Variants in TRAK1 observed in about 807,000 individuals in gnomAD.
The protein encoded by TRAK1 is trafficking kinesin protein 1.
In TRAK1, 33 loss-of-function variants were observed where a neutral mutation model predicts 92.1. The ratio of observed to expected loss-of-function variants is 0.36; its 90% CI spans 0.27 to 0.48. The LOEUF is 0.48. TRAK1 is among the 20% of genes least tolerant of loss of function. The probability of loss-of-function intolerance (pLI) is 0.99; values close to 1 mark genes in which losing one functional copy is unlikely to be tolerated. For synonymous variants in TRAK1, 521 were observed against 517.3 expected (o/e 1.01, Z -0.10); for missense variants, 1,123 against 1,257.9 (o/e 0.89, Z 1.62).
intron 13 of TRAK1, among the ~76,000 whole-genome samples, chr3:42,206,781 T>C (rs12637042): frequency 0.31 from 47,686 of 152,090 alleles, 7,868 homozygotes; most frequent in East Asian, 0.49. Context: ...GGCTGTGGAG[T>C]GTCAGAGAAT....
chr3:42,087,727 T>C (rs948627474), upstream of TRAK1, among the ~76,000 whole-genome samples: 4 of 152,230 alleles, frequency 2.6e-5, no homozygotes, highest in African/African-American at 9.6e-5. Context: ...CTCAGTGTAT[T>C]GAACCCTTCC....
chr3:42,223,196 A>G lies in TRAK1; in HGVS notation c.2321A>G (p.Lys774Arg), dbSNP rs778706238. The G allele has an allele frequency of 3.1e-6, 5 of 1,614,202 alleles. No individual in the cohort carries two copies. In the South Asian group the frequency reaches 5.5e-5, roughly 18 times the overall value. ...RGSLLHSYTP[K>R]MAVIPSTPPN... ...TCCCTCCTGCACTCCTACACGCCCA[A>G]GATGGCTGTGATCCCCTCTACTCCG... The change falls in exon 16 of 16, where the codon AAG becomes AGG. Residue 774 changes from lysine (K) to arginine (R), a missense_variant. Lys to Arg is a conservative substitution (Grantham distance 26). Around this residue, in one of 3 missense-constraint regions of TRAK1, gnomAD observed 401 missense variants for 438.9 expected, o/e 0.91. Transcript: ENST00000327628. The surrounding 1 kb of genome is among the most constrained non-coding windows in gnomAD (Gnocchi z 6.1).
intron 2 of TRAK1, among the ~76,000 whole-genome samples, chr3:42,171,996 C>T (rs1389276452): frequency 6.6e-6 from 1 of 152,214 alleles, no homozygotes; most frequent in East Asian, 1.9e-4. Context: ...TTAGCTGTGA[C>T]AGCCCAGTCA....
At chr3:42,047,122 A>G (rs1702780552) in intron 1 of TRAK1, among the ~76,000 whole-genome samples, 1 of 151,948 alleles carries the variant, frequency 6.6e-6, no homozygotes, top group Non-Finnish European at 1.5e-5. Flanking sequence ...CTAAAAATGC[A>G]TAGTTATTGT....
chr3:42,028,312 C>G (rs1285706243), intron 1 of TRAK1, among the ~76,000 whole-genome samples: 1 of 152,146 alleles, frequency 6.6e-6, no homozygotes, highest in African/African-American at 2.4e-5. Flanking sequence ...AGGTAAGAAT[C>G]ACCTTTGATT....
intron 2 of TRAK1, among the ~76,000 whole-genome samples, chr3:42,168,228 TAGTG>T (rs1267920260): frequency 6.6e-6 from 1 of 152,220 alleles, no homozygotes; most frequent in African/African-American, 2.4e-5. Context: ...GCTAGTTTCT[TAGTG>T]GGTGATTTGC....
chr3:42,024,050 C>T (rs984057262), intron 1 of TRAK1, among the ~76,000 whole-genome samples: 4 of 151,996 alleles, frequency 2.6e-5, no homozygotes, highest in East Asian at 1.9e-4. Flanking sequence ...CCACCGTGAC[C>T]GGCTACTCCT....
At chr3:42,195,570 A>G (rs1706489159) in intron 10 of TRAK1, among the ~76,000 whole-genome samples, 1 of 148,488 alleles carries the variant, frequency 6.7e-6, no homozygotes. Context: ...TTCAGCCCCC[A>G]TTGCTGACCC....
chr3:42,193,922 T>G, intron 9 of TRAK1, 24 bp downstream of exon 9: 2 of 1,609,304 alleles, frequency 1.2e-6, no homozygotes, highest in African/African-American at 2.7e-5. Flanking sequence ...CCTCATTCCT[T>G]CAGTGCCTCT....
chr3:42,069,797 A>C (rs1369970209), intron 1 of TRAK1, among the ~76,000 whole-genome samples: 2 of 152,156 alleles, frequency 1.3e-5, no homozygotes, highest in African/African-American at 4.8e-5. Flanking sequence ...ACTGCTGAGG[A>C]AAGTTACATC....
intron 1 of TRAK1, among the ~76,000 whole-genome samples, chr3:42,016,890 C>G (rs538903494): frequency 2.0e-5 from 3 of 152,222 alleles, no homozygotes; most frequent in African/African-American, 7.2e-5. Context: ...ACTGTATGGT[C>G]GGGAAGTTTG....
chr3:42,132,267 AT>A lies in TRAK1; in HGVS notation c.286+6665del, dbSNP rs555637474. 3.8e-3 allele frequency among the ~76,000 whole-genome samples: 447 copies of A among 118,106 alleles called. 3 individuals are homozygous for A. The highest frequency in any genetic ancestry group is 0.011 in the African/African-American group (359 of 31,242). The allele number at this position is 118,106 out of a possible 152,430, so 77.5% of individuals were successfully genotyped here. ...TTGTTTTTTTTTTTTTGTTTGGTGT[AT>A]TTTTTTTTTTTGAGTCAGTCTTCTC... On this transcript the variant is annotated intron_variant, in intron 2 of 15. Transcript: ENST00000327628.
intron 2 of TRAK1, among the ~76,000 whole-genome samples, chr3:42,169,255 A>G (rs1156425914): frequency 6.6e-6 from 1 of 151,348 alleles, no homozygotes; most frequent in Non-Finnish European, 1.5e-5. Context: ...TTTTCTGAGC[A>G]TAAGGATTTT....
Position 42,223,990 on chromosome 3 carries a change from A to G in TRAK1, c.*253A>G. On this transcript the variant is annotated 3_prime_UTR_variant, in exon 16 of 16. Transcript: ENST00000327628. This position sits in a 1 kb window ranked among gnomAD's most constrained non-coding sequence, Gnocchi z 6.1. ...CCACAGGAAGTGCCCCTGCACTGTC[A>G]TCACTCTCACGAGGACGTCACCTGT... 1 of 638,124 alleles carries G rather than the reference A, an allele frequency of 1.6e-6. No individual in the cohort carries two copies. The highest frequency in any genetic ancestry group is 2.9e-6 in the Non-Finnish European group (1 of 348,390). The allele number at this position is 638,124 out of a possible 1,614,324, so 39.5% of individuals were successfully genotyped here.
chr3:42,017,985 G>A (rs1294929174), intron 1 of TRAK1, among the ~76,000 whole-genome samples: 1 of 150,390 alleles, frequency 6.6e-6, no homozygotes, highest in Non-Finnish European at 1.5e-5. Context: ...TATGTAACAG[G>A]TGAAGCTGGG....
chr3:42,220,699 GTGGT>G, intron 15 of TRAK1: 4 of 749,828 alleles, frequency 5.3e-6, no homozygotes, highest in Non-Finnish European at 6.5e-6. Flanking sequence ...ATGTGTCTCT[GTGGT>G]TGTGCCTGGC....
intron 13 of TRAK1, chr3:42,203,873 C>G (rs938476940): frequency 2.2e-6 from 2 of 916,984 alleles, no homozygotes; most frequent in African/African-American, 3.6e-5. Flanking sequence ...AAAAAGAATC[C>G]AATTATGTTT....
intron 15 of TRAK1, among the ~76,000 whole-genome samples, chr3:42,219,894 C>G (rs1710173216): frequency 7.3e-6 from 1 of 137,836 alleles, no homozygotes; most frequent in Non-Finnish European, 1.5e-5. Flanking sequence ...CTCCTGGGTT[C>G]AAGCCCATCT....
intron 2 of TRAK1, among the ~76,000 whole-genome samples, chr3:42,153,151 C>G (rs949641962): frequency 3.9e-5 from 6 of 152,042 alleles, no homozygotes; most frequent in African/African-American, 1.5e-4. Flanking sequence ...GCCTGTAAGC[C>G]CAGCATTTTG....
Sources: allele counts gnomAD v4.1 joint callset (sites outside exome capture counted in the v4.1 genomes callset), GRCh38; gene constraint gnomAD v4.1.1; regional missense constraint gnomAD v4.1.1; non-coding constraint Gnocchi (gnomAD v3.1); transcripts MANE v1.5; gene names NCBI Gene and HGNC (gene_info 2026-07-23, HGNC 2026-07-21).